The following ERCC5 variants were observed in gnomAD, a reference collection of about 807,000 sequenced individuals.
ERCC5 encodes the protein ERCC excision repair 5, endonuclease, also known as DNA excision repair protein ERCC-5.
In ERCC5, 68 loss-of-function variants were observed where a neutral mutation model predicts 105.6. The ratio of observed to expected loss-of-function variants is 0.64; its 90% confidence interval spans 0.53 to 0.79. ERCC5 has a LOEUF of 0.79. Among genes scored for constraint, ERCC5 ranks in the 30% least tolerant of loss-of-function variants. The pLI is 0.00. For missense variants in ERCC5, 1,373 were observed against 1,426.7 expected, an observed-to-expected ratio of 0.96 and a Z score of 0.61; for synonymous variants, 546 against 526.2, an observed-to-expected ratio of 1.04 and a Z score of -0.51.
rs763518689 is a variant in ERCC5, at chr13:102,875,787, A to G, written c.3445A>G (p.Ser1149Gly). The change falls in exon 15 of 15, where the codon AGT becomes GGT. Residue 1149 changes from serine to glycine, a missense_variant. This residue lies in a region of ERCC5 where 367 missense variants were observed against 350.2 expected (regional missense o/e 1.05). Transcript: ENST00000652225. The stretch of plus-strand genomic sequence containing the variant: ...TGGAGGTGCGACCACCAGCAGCTCT[A>G]GTGATAGTGATGACGATGGAGGGAA... ...KNGGATTSSSSDSDDDGGKEK... is the reference protein window; with the variant it reads ...KNGGATTSSSGDSDDDGGKEK... 1.2e-6 allele frequency: 2 copies of G among 1,614,166 alleles called. No individual in the cohort carries two copies. The highest frequency in any genetic ancestry group is 8.5e-7 in the Non-Finnish European group (1 of 1,180,034).
chr13:102,855,345 G>T (rs1015218427), intron 4 of ERCC5, among the ~76,000 whole-genome samples: 1 of 152,120 alleles, frequency 6.6e-6, no homozygotes, highest in African/African-American at 2.4e-5. Context: ...TGCCTCCTGG[G>T]TTTAAGCGAT....
chr13:102,853,863 G>C lies in ERCC5; in HGVS notation c.371G>C (p.Arg124Thr). The C allele has an allele frequency of 4.4e-5, 71 of 1,614,180 alleles. No homozygotes were observed. Among genetic ancestry groups the C allele is most frequent in the Non-Finnish European group, 5.9e-5 (70 of 1,179,990 alleles). ...LKRQAIKTAF[R>T]SKRDEALPSL... ...AGACAAGCCATCAAAACTGCCTTCA[G>C]AAGCAAAAGGCAAGAGGAAAATTAT... The change falls in exon 3 of 15, where the codon AGA (arginine) becomes ACA (threonine). Residue 124 changes from arginine to threonine, a missense_variant. Around this residue, in one of 3 missense-constraint regions of ERCC5, gnomAD observed 1,004 missense variants for 1,059.7 expected, o/e 0.95. Transcript: ENST00000652225.
rs767080395 is a variant in ERCC5, at chr13:102,866,277, C to CTG, written c.2216_2217dup (p.Glu740TrpfsTer6). 1.2e-6 allele frequency: 2 copies of CTG among 1,614,080 alleles called. No homozygotes were observed. Among genetic ancestry groups the CTG allele is most frequent in the African/African-American group, 2.7e-5 (2 of 74,918 alleles). On this transcript the variant is annotated frameshift_variant, in exon 10 of 15. Transcript: ENST00000652225. LOFTEE classifies it high-confidence loss of function. ...CATTTTATAGGAGGAGTTGGAAACT[C>CTG]TGGAGAGCAACCTCTTAGCACAGCA...
At chr13:102,852,319 G>A (rs568011611) in intron 2 of ERCC5, 26 bp downstream of exon 2, 4 of 1,609,856 alleles carry the variant, frequency 2.5e-6, no homozygotes, top group South Asian at 2.2e-5. Context: ...TTTTTAGTAA[G>A]TGTCAAATAA....
In ERCC5 at chr13:102,862,281, G is replaced by A. The variant is rs1294793811; in HGVS notation, c.1132G>A (p.Val378Ile). The change falls in exon 8 of 15, where the codon GTA becomes ATA. Residue 378 changes from valine to isoleucine, a missense_variant. Val to Ile is a conservative substitution (Grantham distance 29). Around this residue, in one of 3 missense-constraint regions of ERCC5, gnomAD observed 1,004 missense variants for 1,059.7 expected, o/e 0.95. Coordinates refer to ENST00000652225, the MANE Select transcript of ERCC5 (RefSeq NM_000123.4). ...CCGTGGGAGGAACGCACCTGCTGCT[G>A]TAGACGAAGGCTCCATATCACCCCG... ...QARGRNAPAAVDEGSISPRTL... is the reference protein window; with the variant it reads ...QARGRNAPAAIDEGSISPRTL... The A allele has an allele frequency of 4.3e-6, 7 of 1,614,172 alleles. No homozygotes were observed. The highest frequency in any genetic ancestry group is 5.9e-6 in the Non-Finnish European group (7 of 1,180,036).
Position 102,862,566 on chromosome 13 carries a change from A to G in ERCC5, c.1417A>G (p.Lys473Glu). The G allele has an allele frequency of 6.2e-7, 1 of 1,614,178 alleles. No individual in the cohort carries two copies. Among genetic ancestry groups the G allele is most frequent in the Non-Finnish European group, 8.5e-7 (1 of 1,180,034 alleles). ...EGREPTDSVP[K>E]EQMSLVHVGT... Reference sequence around the variant, plus strand: ...GAGAGAGCCCACAGACTCAGTTCCAAAAGAACAAATGTCACTTGTTCACGT... The same window carrying G: ...GAGAGAGCCCACAGACTCAGTTCCAGAAGAACAAATGTCACTTGTTCACGT... The change falls in exon 8 of 15, where the codon AAA becomes GAA. Residue 473 changes from lysine (K) to glutamate (E), a missense_variant. By Grantham distance (56) the Lys-to-Glu change is moderately conservative (BLOSUM62 1). Coordinates refer to ENST00000652225, the MANE Select transcript of ERCC5 (RefSeq NM_000123.4).
rs1471960675 is a variant in ERCC5, at chr13:102,862,756, A to G, written c.1607A>G (p.Asn536Ser). 3 of 1,614,230 alleles carry G rather than the reference A, an allele frequency of 1.9e-6. No individual in the cohort carries two copies. Among genetic ancestry groups the G allele is most frequent in the South Asian group, 1.1e-5 (1 of 91,086 alleles). Reference protein sequence around the residue: ...SPTCTNSVSKNETHAEVLEQQ... With the variant: ...SPTCTNSVSKSETHAEVLEQQ... Reference sequence around the variant, plus strand: ...ACTTGTACAAATTCTGTGTCAAAGAATGAAACACATGCTGAAGTGCTTGAG... The same window carrying G: ...ACTTGTACAAATTCTGTGTCAAAGAGTGAAACACATGCTGAAGTGCTTGAG... Residue 536 changes from asparagine (N) to serine (S), a missense_variant, in exon 8 of 15, where the codon AAT becomes AGT. Transcript: ENST00000652225.
intron 1 of ERCC5, among the ~76,000 whole-genome samples, chr13:102,850,855 A>C (rs1198819672): frequency 2.6e-5 from 4 of 152,130 alleles, no homozygotes; most frequent in African/African-American, 9.7e-5. Context: ...GGAGGTTGAT[A>C]GTTCAGACAG....
At chr13:102,846,375 G>A (rs1881960583) in intron 1 of ERCC5, 21 bp downstream of exon 1, 2 of 1,607,922 alleles carry the variant, frequency 1.2e-6, no homozygotes, top group Admixed American at 3.3e-5. Flanking sequence ...CGCCGCGTTG[G>A]GACTTGGGGT....
At position 102,875,430 on chromosome 13, in the gene ERCC5, G is replaced by A. The variant is rs376812170; in HGVS notation, c.3088G>A (p.Ala1030Thr). 1.4e-5 allele frequency: 22 copies of A among 1,614,090 alleles called. No individual in the cohort carries two copies. The African/African-American group carries it at 2.9e-4, about 22-fold the overall frequency. ...TCMLRKEKEAAASEIEAVSVA... is the reference protein window; with the variant it reads ...TCMLRKEKEATASEIEAVSVA... Reference sequence around the variant, plus strand: ...TATGCTAAGGAAAGAGAAAGAAGCAGCAGCCAGCGAAATAGAAGCAGTTTC... The same window carrying A: ...TATGCTAAGGAAAGAGAAAGAAGCAACAGCCAGCGAAATAGAAGCAGTTTC... Residue 1030 changes from alanine to threonine, a missense_variant, in exon 15 of 15, where the codon GCA (alanine) becomes ACA (threonine). Transcript: ENST00000652225.
In ERCC5 at chr13:102,846,252, G is replaced by C. The variant is rs999301724; in HGVS notation, c.-15G>C. ...TAGAAGTTGTCGGGGTCCGCTCTTAGGACGCAGCCGCCTCATGGGGGTCCA... is the reference window on the plus strand; with the variant it reads ...TAGAAGTTGTCGGGGTCCGCTCTTACGACGCAGCCGCCTCATGGGGGTCCA... On this transcript the variant is annotated 5_prime_UTR_variant, in exon 1 of 15. Transcript: ENST00000652225. 2 of 1,610,384 alleles carry C rather than the reference G, an allele frequency of 1.2e-6. No individual in the cohort carries two copies. Among genetic ancestry groups the C allele is most frequent in the Non-Finnish European group, 1.7e-6 (2 of 1,178,020 alleles).
Position 102,862,487 on chromosome 13 carries a change from TGC to T in ERCC5, c.1340_1341del (p.Ala447ValfsTer3). 3 of 1,613,946 alleles carry T rather than the reference TGC, an allele frequency of 1.9e-6. No individual in the cohort carries two copies. The highest frequency in any genetic ancestry group is 2.5e-6 in the Non-Finnish European group (3 of 1,180,018). ...AAGGAATACCGTTTACTGCAACACTTGCGTCATCTAGTGTGAACTCTGCAGAG... is the reference window on the plus strand; with the variant it reads ...AAGGAATACCGTTTACTGCAACACTTGTCATCTAGTGTGAACTCTGCAGAG... ...GKGIPFTATL[A>X]SSSVNSAEEH... On this transcript the variant is annotated frameshift_variant, in exon 8 of 15. Transcript: ENST00000652225. LOFTEE classifies it high-confidence loss of function.
chr13:102,870,617 A>C (rs4150351), intron 12 of ERCC5, among the ~76,000 whole-genome samples: 18,059 of 152,270 alleles, frequency 0.12, 1,528 homozygotes, highest in Non-Finnish European at 0.18. Flanking sequence ...AGTAAAGTAG[A>C]GGAGAATTAT....
Position 102,862,432 on chromosome 13 carries a change from G to A in ERCC5, c.1283G>A (p.Ser428Asn), listed in dbSNP as rs1339043663. The A allele has an allele frequency of 1.9e-6, 3 of 1,614,148 alleles. No individual in the cohort carries two copies. Among genetic ancestry groups the A allele is most frequent in the Non-Finnish European group, 2.5e-6 (3 of 1,180,030 alleles). Reference protein sequence around the residue: ...EMRINSSTENSDEGLKVRDGK... With the variant: ...EMRINSSTENNDEGLKVRDGK... ...CGTATAAACAGCTCCACCGAGAACAGTGATGAAGGACTTAAAGTGAGAGAT... is the reference window on the plus strand; with the variant it reads ...CGTATAAACAGCTCCACCGAGAACAATGATGAAGGACTTAAAGTGAGAGAT... The change falls in exon 8 of 15, where the codon AGT becomes AAT. Residue 428 changes from serine to asparagine, a missense_variant. Ser to Asn is a conservative substitution (Grantham distance 46). Transcript: ENST00000652225.
chr13:102,857,287 G>C (rs549416989), intron 5 of ERCC5, among the ~76,000 whole-genome samples: 3 of 152,302 alleles, frequency 2.0e-5, no homozygotes, highest in Non-Finnish European at 4.4e-5. Context: ...TGGTCAAAAA[G>C]ACCTGCGTTT....
intron 1 of ERCC5, chr13:102,849,411 G>A (rs1408936822): frequency 9.6e-6 from 5 of 518,850 alleles, no homozygotes; most frequent in South Asian, 1.4e-5. Flanking sequence ...GATAGGGACC[G>A]TCTCTGTTTT....
chr13:102,866,687 C>A lies in ERCC5; in HGVS notation c.2375C>A (p.Ala792Glu), dbSNP rs121434571. 2 of 1,614,046 alleles carry A rather than the reference C, an allele frequency of 1.2e-6. No individual in the cohort carries two copies. Among genetic ancestry groups the A allele is most frequent in the African/African-American group, 2.7e-5 (2 of 74,934 alleles). ...ATCCAGGCTCCCATGGAAGCAGAGG[C>A]GCAGTGCGCCATCCTGGACCTGACT... ...PYIQAPMEAE[A>E]QCAILDLTDQ... The change falls in exon 11 of 15, where the codon GCG becomes GAG. Residue 792 changes from alanine to glutamate, a missense_variant. Around this residue, in one of 3 missense-constraint regions of ERCC5, gnomAD observed 1,004 missense variants for 1,059.7 expected, o/e 0.95. Transcript: ENST00000652225.
intron 1 of ERCC5, chr13:102,849,008 G>A: frequency 2.5e-6 from 1 of 395,552 alleles, no homozygotes; most frequent in South Asian, 1.9e-5. Flanking sequence ...GCAGGGATGA[G>A]AGCCACTGAT....
Position 102,866,735 on chromosome 13 carries a change from C to G in ERCC5, c.2423C>G (p.Thr808Ser). The change falls in exon 11 of 15, where the codon ACT becomes AGT. Residue 808 changes from threonine to serine, a missense_variant. By Grantham distance (58) the Thr-to-Ser change is moderately conservative (BLOSUM62 1). This residue lies in a region of ERCC5 where 1,004 missense variants were observed against 1,059.7 expected (regional missense o/e 0.95). Transcript: ENST00000652225. ...DLTDQTSGTI[T>S]DDSDIWLFGA... The stretch of plus-strand genomic sequence containing the variant: ...ACTGATCAGACTTCCGGAACCATCA[C>G]TGATGACAGTGATATCTGGCTGTTT... 2 of 1,614,272 alleles carry G rather than the reference C, an allele frequency of 1.2e-6. No homozygotes were observed. The highest frequency in any genetic ancestry group is 1.7e-6 in the Non-Finnish European group (2 of 1,180,048).
Sources: allele counts gnomAD v4.1 joint callset (sites outside exome capture counted in the v4.1 genomes callset), GRCh38; gene constraint gnomAD v4.1.1; regional missense constraint gnomAD v4.1.1; transcripts MANE v1.5; gene names NCBI Gene and HGNC (gene_info 2026-07-23, HGNC 2026-07-21).